SAMD12: variants seen among roughly 807,000 people sequenced by gnomAD.
SAMD12 encodes sterile alpha motif domain-containing protein 12.
Under a neutral mutation model 15.0 loss-of-function variants are expected in SAMD12, and 9 were observed. That is an observed-to-expected ratio of 0.60 (90% CI 0.36 to 1.05). The LOEUF is 1.05. SAMD12 is among the 50% of genes least tolerant of loss of function. SAMD12 has a pLI of 0.01. For synonymous variants in SAMD12, 86 were observed against 90.1 expected (o/e 0.96, Z 0.25); for missense variants, 230 against 234.2 (o/e 0.98, Z 0.12).
At chr8:118,165,987 C>T in the SAMD12 span, among the ~76,000 whole-genome samples, 1 of 152,006 alleles carries the variant, frequency 6.6e-6, no homozygotes, top group Non-Finnish European at 1.5e-5. Context: ...CATCTGATTT[C>T]AGTTCCGTGC....
chr8:118,365,193 C>A (rs1050962546), intron 4 of SAMD12, among the ~76,000 whole-genome samples: 1 of 152,164 alleles, frequency 6.6e-6, no homozygotes, highest in African/African-American at 2.4e-5. Context: ...AACCCTCTAA[C>A]TATATTAGGC....
At chr8:118,598,705 T>C (rs967233480) in intron 1 of SAMD12, among the ~76,000 whole-genome samples, 7 of 152,198 alleles carry the variant, frequency 4.6e-5, no homozygotes, top group African/African-American at 7.2e-5. Context: ...ATTTCACAGA[T>C]GAAGAAATTG....
At chr8:118,346,081 T>C (rs1817633675) in intron 4 of SAMD12, among the ~76,000 whole-genome samples, 2 of 152,208 alleles carry the variant, frequency 1.3e-5, no homozygotes, top group Admixed American at 6.5e-5. Context: ...GAAATCATAA[T>C]TATCGAGGGA....
chr8:118,350,481 C>T (rs1278858462), intron 4 of SAMD12, among the ~76,000 whole-genome samples: 4 of 152,142 alleles, frequency 2.6e-5, no homozygotes, highest in African/African-American at 9.7e-5. Context: ...TGTTTCTTCT[C>T]TATAAAATGG....
At chr8:118,596,488 C>A (rs1331352423) in intron 1 of SAMD12, among the ~76,000 whole-genome samples, 1 of 152,158 alleles carries the variant, frequency 6.6e-6, no homozygotes, top group African/African-American at 2.4e-5. Context: ...TAATGCCCAC[C>A]TCCCACCCAG....
At chr8:118,467,335 T>C (rs1187813583) in intron 2 of SAMD12, among the ~76,000 whole-genome samples, 1 of 152,212 alleles carries the variant, frequency 6.6e-6, no homozygotes, top group Non-Finnish European at 1.5e-5. Flanking sequence ...AATTGTGCTA[T>C]CTCATAGGAT....
At chr8:118,222,420 G>T (rs908270899) in intron 4 of SAMD12, among the ~76,000 whole-genome samples, 5 of 152,158 alleles carry the variant, frequency 3.3e-5, no homozygotes, top group African/African-American at 1.2e-4. Flanking sequence ...TTCTAATTTA[G>T]AAAGTGGAGA....
intron 4 of SAMD12, among the ~76,000 whole-genome samples, chr8:118,348,976 C>A (rs529781687): frequency 8.5e-5 from 13 of 152,254 alleles, no homozygotes; most frequent in African/African-American, 3.1e-4. Context: ...AGTCTAGGAC[C>A]GAGGCCAAGA....
At chr8:118,470,166 A>G (rs1207929475) in intron 2 of SAMD12, among the ~76,000 whole-genome samples, 1 of 152,074 alleles carries the variant, frequency 6.6e-6, no homozygotes, top group African/African-American at 2.4e-5. Flanking sequence ...TCTAAACACT[A>G]TTATATGACT....
chr8:118,251,087 T>C (rs1391757300), intron 4 of SAMD12, among the ~76,000 whole-genome samples: 2 of 152,044 alleles, frequency 1.3e-5, no homozygotes, highest in African/African-American at 4.8e-5. Context: ...GCCCTTCCGA[T>C]AGCTGTGGTC....
chr8:118,145,900 GA>G, the SAMD12 span, among the ~76,000 whole-genome samples: 1 of 152,212 alleles, frequency 6.6e-6, no homozygotes, highest in African/African-American at 2.4e-5. Flanking sequence ...AGCTGAGGCA[GA>G]GCTTGAAGGC....
intron 3 of SAMD12, among the ~76,000 whole-genome samples, chr8:118,426,998 A>C (rs1387199383): frequency 6.6e-6 from 1 of 152,228 alleles, no homozygotes; most frequent in Non-Finnish European, 1.5e-5. Flanking sequence ...GACGAGCAGA[A>C]TCTCAAGGAG....
chr8:118,228,180 C>A (rs1812226203), intron 4 of SAMD12, among the ~76,000 whole-genome samples: 1 of 152,110 alleles, frequency 6.6e-6, no homozygotes, highest in Non-Finnish European at 1.5e-5. Context: ...GCTAAAAATT[C>A]TAGAAAATAA....
At chr8:118,269,571 C>A (rs1267016295) in intron 4 of SAMD12, among the ~76,000 whole-genome samples, 1 of 152,092 alleles carries the variant, frequency 6.6e-6, no homozygotes, top group African/African-American at 2.4e-5. Flanking sequence ...TAGTCTATGG[C>A]TGCTTTCAGG....
intron 2 of SAMD12, among the ~76,000 whole-genome samples, chr8:118,531,766 C>T (rs1369223186): frequency 1.3e-5 from 2 of 152,234 alleles, no homozygotes; most frequent in East Asian, 3.9e-4. Flanking sequence ...GTGATTTTTG[C>T]ACACTGACTT....
chr8:118,326,492 T>C (rs1816570502), intron 4 of SAMD12, among the ~76,000 whole-genome samples: 1 of 152,156 alleles, frequency 6.6e-6, no homozygotes, highest in South Asian at 2.1e-4. Context: ...GGATGACAAG[T>C]ACCCAAGAAC....
At chr8:118,496,491 A>G (rs1824613647) in intron 2 of SAMD12, among the ~76,000 whole-genome samples, 1 of 152,234 alleles carries the variant, frequency 6.6e-6, no homozygotes, top group Non-Finnish European at 1.5e-5. Context: ...TATTCAATAA[A>G]TGGTGCTGGG....
In SAMD12 at chr8:118,555,790, A is replaced by G. The variant is rs550509000; in HGVS notation, c.192+24925T>C. On this transcript the variant is annotated intron_variant, in intron 2 of 3. Transcript: ENST00000314727. ...CACTTCCTGAATAGAGAAACAAACC[A>G]TCAGAAAGTATTTATTATACTGTAG... Among the ~76,000 whole-genome samples, 5 of 152,338 alleles carry G rather than the reference A, an allele frequency of 3.3e-5. No homozygotes were observed. In the East Asian group the frequency reaches 9.6e-4, roughly 29 times the overall value.
chr8:118,368,429 G>C (rs1818912167), intron 4 of SAMD12, among the ~76,000 whole-genome samples: 1 of 152,158 alleles, frequency 6.6e-6, no homozygotes, highest in Middle Eastern at 3.2e-3. Flanking sequence ...AATCACTGGA[G>C]AGTGTCACTC....
Sources: allele counts gnomAD v4.1 joint callset (sites outside exome capture counted in the v4.1 genomes callset), GRCh38; gene constraint gnomAD v4.1.1; transcripts MANE v1.5; gene names NCBI Gene and HGNC (gene_info 2026-07-23, HGNC 2026-07-21).